PIK3C2G: variants seen among roughly 807,000 people sequenced by gnomAD.
PIK3C2G encodes the protein phosphatidylinositol 3-kinase C2 domain-containing subunit gamma.
Under a neutral mutation model 181.1 loss-of-function variants are expected in PIK3C2G, and 168 were observed. That is an observed-to-expected ratio of 0.93 (90% confidence interval 0.82 to 1.05). PIK3C2G has a LOEUF of 1.05. Ranked by LOEUF, PIK3C2G falls within the 50% of genes least tolerant of loss-of-function variation. The probability of loss-of-function intolerance (pLI) is 0.00; values close to 1 mark genes in which losing one functional copy is unlikely to be tolerated. For missense variants in PIK3C2G, 1,869 were observed against 1,732.8 expected, an observed-to-expected ratio of 1.08 and a Z score of -1.40; for synonymous variants, 573 against 592.2, an observed-to-expected ratio of 0.97 and a Z score of 0.47.
At chr12:18,477,300 A>G (rs1939100079) in intron 18 of PIK3C2G, among the ~76,000 whole-genome samples, 1 of 152,208 alleles carries the variant, frequency 6.6e-6, no homozygotes, top group South Asian at 2.1e-4. Flanking sequence ...AAACGACAGG[A>G]CAGACATGAT....
chr12:18,519,371 T>G (rs746557684), intron 24 of PIK3C2G, among the ~76,000 whole-genome samples: 2 of 152,222 alleles, frequency 1.3e-5, no homozygotes, highest in Non-Finnish European at 1.5e-5. Context: ...TTTGTTGGTC[T>G]CTAAGAACTT....
At chr12:18,616,069 T>A (rs1160775206) in intron 31 of PIK3C2G, among the ~76,000 whole-genome samples, 2 of 152,042 alleles carry the variant, frequency 1.3e-5, no homozygotes, top group East Asian at 1.9e-4. Context: ...TTATATCCAA[T>A]GTAATCTTCT....
chr12:18,299,699 G>A (rs955921258), intron 5 of PIK3C2G, among the ~76,000 whole-genome samples: 1 of 151,704 alleles, frequency 6.6e-6, no homozygotes, highest in African/African-American at 2.4e-5. Context: ...TTATGTTGAG[G>A]TATGTTATAT....
At chr12:18,381,101 T>C (rs1273241740) in intron 13 of PIK3C2G, among the ~76,000 whole-genome samples, 1 of 152,200 alleles carries the variant, frequency 6.6e-6, no homozygotes, top group Non-Finnish European at 1.5e-5. Flanking sequence ...TGGATGTTAC[T>C]GAAGCTGTTA....
At chr12:18,517,122 A>G (rs1056940426) in intron 24 of PIK3C2G, among the ~76,000 whole-genome samples, 1 of 150,778 alleles carries the variant, frequency 6.6e-6, no homozygotes, top group Non-Finnish European at 1.5e-5. Flanking sequence ...GAAGTTGGCC[A>G]TGTCTTCCAG....
the PIK3C2G span, among the ~76,000 whole-genome samples, chr12:18,698,242 C>CTA: frequency 6.9e-6 from 1 of 145,402 alleles, no homozygotes; most frequent in Admixed American, 7.0e-5. Flanking sequence ...ATACACTTTT[C>CTA]TTCTATTCTA....
At chr12:18,505,211 CT>C in intron 23 of PIK3C2G, 80 bp from the exon 24 acceptor site, 1 of 1,200,572 alleles carries the variant, frequency 8.3e-7, no homozygotes, top group Non-Finnish European at 1.1e-6. Flanking sequence ...TTATCATTTA[CT>C]TTTTATGATT....
At chr12:18,534,706 G>C (rs61914424) in intron 24 of PIK3C2G, among the ~76,000 whole-genome samples, 1 of 149,682 alleles carries the variant, frequency 6.7e-6, no homozygotes, top group African/African-American at 2.5e-5. Context: ...AAAAAGAAAG[G>C]CTTCTGATCC....
chr12:18,370,016 G>A (rs895596085), intron 12 of PIK3C2G, among the ~76,000 whole-genome samples: 3 of 146,412 alleles, frequency 2.0e-5, no homozygotes, highest in South Asian at 2.3e-4. Flanking sequence ...ATCATATAAC[G>A]ATCGTATAAT....
upstream of PIK3C2G, among the ~76,000 whole-genome samples, chr12:18,259,979 G>A (rs747038063): frequency 1.4e-4 from 21 of 149,298 alleles, no homozygotes; most frequent in Non-Finnish European, 2.2e-4. Context: ...ATAGGTAAGC[G>A]TACATGTTAA....
chr12:18,707,210 A>G, the PIK3C2G span, among the ~76,000 whole-genome samples: 5 of 152,220 alleles, frequency 3.3e-5, no homozygotes, highest in Middle Eastern at 3.2e-3. Context: ...AACATTTACA[A>G]GTTCCAGGAA....
chr12:18,424,121 T>C, intron 18 of PIK3C2G, 82 bp downstream of exon 18: 2 of 804,036 alleles, frequency 2.5e-6, no homozygotes, highest in Non-Finnish European at 4.3e-6. Context: ...GCAGAATATT[T>C]CTTTACCTTA....
Position 18,501,313 on chromosome 12 carries a change from A to C in PIK3C2G, c.3017-1968A>C, listed in dbSNP as rs564023157. The stretch of plus-strand genomic sequence containing the variant: ...GGGCCTTTTTCACAAGGTGGCAGGA[A>C]AAAAAGGGGGAGAATGGGGTACCTG... On this transcript the variant is annotated intron_variant, in intron 22 of 32. Transcript: ENST00000538779. 2.0e-5 allele frequency among the ~76,000 whole-genome samples: 3 copies of C among 152,274 alleles called. No homozygotes were observed. The South Asian group carries it at 6.2e-4, about 32-fold the overall frequency.
chr12:18,328,851 C>A (rs1397197183), intron 8 of PIK3C2G, among the ~76,000 whole-genome samples: 1 of 151,220 alleles, frequency 6.6e-6, no homozygotes, highest in East Asian at 1.9e-4. Flanking sequence ...AAAATTTTCA[C>A]AAAATTGATT....
chr12:18,462,689 A>G (rs2135942620), intron 18 of PIK3C2G, among the ~76,000 whole-genome samples: 1 of 152,318 alleles, frequency 6.6e-6, no homozygotes, highest in Middle Eastern at 3.4e-3. Flanking sequence ...AGTTTAAAAG[A>G]GAGGAAGTTT....
chr12:18,245,733 G>A (rs1011202022), upstream of PIK3C2G, among the ~76,000 whole-genome samples: 2 of 152,026 alleles, frequency 1.3e-5, no homozygotes, highest in South Asian at 2.1e-4. Flanking sequence ...TCTCTTTGTG[G>A]TTTGGTAATA....
At chr12:18,449,565 C>A (rs1252194625) in intron 18 of PIK3C2G, among the ~76,000 whole-genome samples, 1 of 152,078 alleles carries the variant, frequency 6.6e-6, no homozygotes. Context: ...GTCTCCTGTT[C>A]CTGAGTTAGT....
intron 1 of PIK3C2G, among the ~76,000 whole-genome samples, chr12:18,262,414 C>G (rs905791960): frequency 6.6e-5 from 10 of 151,954 alleles, no homozygotes. Context: ...AACACATACC[C>G]CTCATGTCAT....
At chr12:18,320,041 T>C (rs951097899) in intron 6 of PIK3C2G, 5 of 152,186 alleles carry the variant, frequency 3.3e-5, no homozygotes, top group Non-Finnish European at 7.3e-5. Flanking sequence ...CAAACCAATA[T>C]AAAAATTAAT....
Sources: gnomAD v4.1 joint callset for allele counts (sites outside exome capture counted in the v4.1 genomes callset) on GRCh38, gnomAD v4.1.1 for gene constraint, MANE v1.5 for transcripts, NCBI Gene and HGNC (gene_info 2026-07-23, HGNC 2026-07-21) for gene names.